The following PPM1L variants were observed in gnomAD, a reference collection of about 807,000 sequenced individuals.
PPM1L encodes the protein protein phosphatase 1L.
A neutral mutation model predicts 31.4 loss-of-function variants in PPM1L; 13 were observed. The observed-to-expected ratio is 0.41, with a 90% CI of 0.27 to 0.66. PPM1L has a LOEUF of 0.66. Ranked by LOEUF, PPM1L falls within the 30% of genes least tolerant of loss-of-function variation. The probability of loss-of-function intolerance (pLI) is 0.29; values close to 1 mark genes in which losing one functional copy is unlikely to be tolerated. For synonymous variants in PPM1L, 184 were observed against 175.4 expected (o/e 1.05, Z -0.39); for missense variants, 326 against 453.7 (o/e 0.72, Z 2.56).
In PPM1L at chr3:161,034,073, C is replaced by A. The variant is rs781433921; in HGVS notation, c.575-31330C>A. 1.0e-3 allele frequency among the ~76,000 whole-genome samples: 147 copies of A among 142,556 alleles called. 2 individuals are homozygous for A. Among genetic ancestry groups the A allele is most frequent in the South Asian group, 3.0e-3 (13 of 4,314 alleles). 93.5% of individuals were successfully genotyped at this position (142,556 alleles called of 152,430 possible). A position where few individuals can be genotyped will look rare whatever the true frequency, so the allele number is the denominator to read the frequency against. ...TTCTCAAAAGAAGACATTTATGCAG[C>A]CAACAAACTTATGAAAAAAAAGCTC... On this transcript the variant is annotated intron_variant, in intron 2 of 3. Coordinates refer to ENST00000498165, the MANE Select transcript of PPM1L (RefSeq NM_139245.4).
chr3:161,012,914 C>A (rs1434022132), intron 2 of PPM1L, among the ~76,000 whole-genome samples: 16 of 151,458 alleles, frequency 1.1e-4, no homozygotes, highest in Non-Finnish European at 2.2e-4. Flanking sequence ...CTCTTTTTTT[C>A]TTTATTAGTC....
chr3:160,886,829 T>A (rs924310042), intron 1 of PPM1L, among the ~76,000 whole-genome samples: 9 of 152,012 alleles, frequency 5.9e-5, no homozygotes, highest in African/African-American at 2.2e-4. Context: ...GCAACATCTC[T>A]TCAAGGAACA....
chr3:160,986,914 C>T (rs1716982230), intron 2 of PPM1L, among the ~76,000 whole-genome samples: 1 of 152,098 alleles, frequency 6.6e-6, no homozygotes, highest in South Asian at 2.1e-4. Context: ...TTGAAGTTTC[C>T]TTATACAGTT....
At chr3:160,809,909 G>A (rs1220452057) in intron 1 of PPM1L, among the ~76,000 whole-genome samples, 1 of 152,038 alleles carries the variant, frequency 6.6e-6, no homozygotes, top group Non-Finnish European at 1.5e-5. Flanking sequence ...TCTAATCTTA[G>A]GTATGTTTCT....
chr3:161,009,072 C>G (rs149604245), intron 2 of PPM1L, among the ~76,000 whole-genome samples: 1,548 of 152,250 alleles, frequency 0.01, 30 homozygotes, highest in African/African-American at 0.036. Flanking sequence ...AAAGCCAGTG[C>G]CAGTGATGTG....
chr3:160,937,488 T>C (rs991391557), intron 1 of PPM1L, among the ~76,000 whole-genome samples: 1 of 151,938 alleles, frequency 6.6e-6, no homozygotes, highest in Non-Finnish European at 1.5e-5. Context: ...GACGTGGTGG[T>C]GGGCGCCTGT....
intron 1 of PPM1L, among the ~76,000 whole-genome samples, chr3:160,863,139 C>T (rs1711964092): frequency 6.6e-6 from 1 of 152,084 alleles, no homozygotes; most frequent in South Asian, 2.1e-4. Flanking sequence ...TGTATTTTGT[C>T]ATATATATGA....
intron 3 of PPM1L, among the ~76,000 whole-genome samples, chr3:161,067,177 GCT>G (rs1306882668): frequency 2.6e-5 from 4 of 152,138 alleles, no homozygotes; most frequent in Non-Finnish European, 5.9e-5. Context: ...ACCATTCAGT[GCT>G]CTCTTTTGAA....
chr3:160,825,647 C>A (rs544473940), intron 1 of PPM1L, among the ~76,000 whole-genome samples: 2 of 152,020 alleles, frequency 1.3e-5, no homozygotes, highest in African/African-American at 4.8e-5. Flanking sequence ...TTTTGCCTGG[C>A]GGTGCTGATT....
At chr3:160,757,542 G>C (rs571651279) in intron 1 of PPM1L, among the ~76,000 whole-genome samples, 6 of 152,372 alleles carry the variant, frequency 3.9e-5, no homozygotes, top group African/African-American at 1.4e-4. Context: ...TGGCACCCGG[G>C]TTGTGCGCTG....
At chr3:160,979,445 GT>G (rs997716721) in intron 2 of PPM1L, among the ~76,000 whole-genome samples, 3 of 152,020 alleles carry the variant, frequency 2.0e-5, no homozygotes, top group Non-Finnish European at 2.9e-5. Context: ...AGAAACCAGA[GT>G]ACCTTGGGAG....
intron 1 of PPM1L, among the ~76,000 whole-genome samples, chr3:160,809,160 C>A (rs912775485): frequency 6.6e-6 from 1 of 152,184 alleles, no homozygotes; most frequent in East Asian, 1.9e-4. Flanking sequence ...CTAATTCTGG[C>A]AAAATATATT....
intron 2 of PPM1L, among the ~76,000 whole-genome samples, chr3:161,062,899 C>T (rs1173388551): frequency 2.0e-5 from 3 of 152,066 alleles, no homozygotes; most frequent in Non-Finnish European, 2.9e-5. Flanking sequence ...TGGTGTAGAC[C>T]TCAGGAGTGT....
intron 1 of PPM1L, among the ~76,000 whole-genome samples, chr3:160,769,561 G>A (rs1432470738): frequency 3.3e-5 from 5 of 151,856 alleles, no homozygotes; most frequent in East Asian, 1.9e-4. Context: ...TTTTTTCTCC[G>A]CTGTGTGAAC....
intron 2 of PPM1L, among the ~76,000 whole-genome samples, chr3:161,032,896 A>C (rs1718620718): frequency 7.6e-6 from 1 of 131,962 alleles, no homozygotes; most frequent in Non-Finnish European, 1.6e-5. Flanking sequence ...TTTTTAGTAG[A>C]GATGGGGTTT....
At chr3:160,947,404 T>C (rs946350113) in intron 1 of PPM1L, among the ~76,000 whole-genome samples, 7 of 152,140 alleles carry the variant, frequency 4.6e-5, no homozygotes, top group African/African-American at 1.7e-4. Flanking sequence ...TAAAATATAC[T>C]GTTTTTCCTG....
chr3:161,068,705 G>A, intron 3 of PPM1L, 106 bp from the exon 4 acceptor site: 1 of 896,192 alleles, frequency 1.1e-6, no homozygotes. Flanking sequence ...AGTGCCCACA[G>A]CCCAGTTCAC....
intron 2 of PPM1L, among the ~76,000 whole-genome samples, chr3:161,000,009 G>T (rs1159326797): frequency 6.6e-6 from 1 of 152,120 alleles, no homozygotes. Context: ...ATACTGCAGA[G>T]CTGGAATTGT....
chr3:160,836,152 C>T (rs1234152242), intron 1 of PPM1L, among the ~76,000 whole-genome samples: 1 of 152,134 alleles, frequency 6.6e-6, no homozygotes, highest in African/African-American at 2.4e-5. Context: ...GGAAACTAAG[C>T]TCTGAAGGCT....
Sources: gnomAD v4.1 joint callset for allele counts (sites outside exome capture counted in the v4.1 genomes callset) on GRCh38, gnomAD v4.1.1 for gene constraint, MANE v1.5 for transcripts, NCBI Gene and HGNC (gene_info 2026-07-23, HGNC 2026-07-21) for gene names.